Variants in CNOT10 observed in about 807,000 individuals in gnomAD.
CNOT10 encodes CCR4-NOT transcription complex, subunit 10.
CNOT10 carries 30 observed loss-of-function variants against 94.6 expected under a neutral mutation model. That is an observed-to-expected ratio of 0.32 (90% CI 0.24 to 0.43). The LOEUF is 0.43. Among genes scored for constraint, CNOT10 ranks in the 20% least tolerant of loss-of-function variants. The probability of loss-of-function intolerance (pLI) is 1.00; values close to 1 mark genes in which losing one functional copy is unlikely to be tolerated. For missense variants in CNOT10, 759 were observed against 877.2 expected, an observed-to-expected ratio of 0.87 and a Z score of 1.70; for synonymous variants, 289 against 301.6, an observed-to-expected ratio of 0.96 and a Z score of 0.43.
In CNOT10 at chr3:32,769,913, G is replaced by A. The variant is rs754625501; in HGVS notation, c.2031G>A (p.Glu677=). The A allele has an allele frequency of 3.7e-6, 6 of 1,613,888 alleles. No individual in the cohort carries two copies. In the Admixed American group the frequency reaches 5.0e-5, roughly 13 times the overall value. The change falls in exon 18 of 19, where the codon GAG becomes GAA. Residue 677 remains glutamate, a synonymous_variant. Transcript: ENST00000328834. ...CGGCTTCAATGATCCATCCTAAAGA[G>A]GTGCCCCCTGAGGCCATCTTGCTGG... ...HQAASMIHPK[E]VPPEAILLAV...
At position 32,721,309 on chromosome 3, in the gene CNOT10, AC is replaced by A. The variant is rs759366722; in HGVS notation, c.862+1080del. The stretch of plus-strand genomic sequence containing the variant: ...ACTCCTGACCTCAAGTGACCCGCCC[AC>A]CTCAGCATCTCAAAGTGCTGGGATT... On this transcript the variant is annotated intron_variant, in intron 8 of 18. Coordinates refer to ENST00000328834, the MANE Select transcript of CNOT10 (RefSeq NM_015442.3). 1.5e-4 allele frequency among the ~76,000 whole-genome samples: 23 copies of A among 149,576 alleles called. 1 individual carries two copies. The South Asian group carries it at 4.9e-3, about 32-fold the overall frequency.
chr3:32,727,427 T>C (rs996753203), intron 9 of CNOT10, among the ~76,000 whole-genome samples: 1 of 152,170 alleles, frequency 6.6e-6, no homozygotes, highest in African/African-American at 2.4e-5. Context: ...CGTTGTTGCC[T>C]GAGGAGCTGG....
At chr3:32,754,476 C>CAAAAAAAA (rs1553637886) in intron 13 of CNOT10, among the ~76,000 whole-genome samples, 4 of 36,270 alleles carry the variant, frequency 1.1e-4, no homozygotes, top group African/African-American at 5.6e-4. Context: ...GACTCCGTCT[C>CAAAAAAAA]AAAAAAAAAA....
chr3:32,720,083 A>G (rs1238349828), intron 7 of CNOT10, 31 bp from the exon 8 acceptor site: 3 of 1,214,452 alleles, frequency 2.5e-6, no homozygotes, highest in Non-Finnish European at 2.3e-6. Context: ...CTGAAAACAA[A>G]TTATAAGTAA....
chr3:32,755,771 T>A (rs1464722672), intron 13 of CNOT10, among the ~76,000 whole-genome samples: 1 of 140,314 alleles, frequency 7.1e-6, no homozygotes, highest in Admixed American at 7.1e-5. Context: ...TTTTTTTTTT[T>A]CTTCTTTTTT....
At chr3:32,758,897 C>T (rs1282419573) in intron 13 of CNOT10, among the ~76,000 whole-genome samples, 3 of 151,982 alleles carry the variant, frequency 2.0e-5, no homozygotes, top group Non-Finnish European at 4.4e-5. Flanking sequence ...AGAATAGTAA[C>T]TGTGTGAATA....
chr3:32,747,297 A>G (rs1699742637), intron 13 of CNOT10, among the ~76,000 whole-genome samples: 1 of 151,998 alleles, frequency 6.6e-6, no homozygotes, highest in Non-Finnish European at 1.5e-5. Context: ...GCATGCCTGT[A>G]ATCCCAGCTA....
At chr3:32,740,659 G>C (rs1348394556) in intron 13 of CNOT10, among the ~76,000 whole-genome samples, 2 of 151,610 alleles carry the variant, frequency 1.3e-5, no homozygotes, top group African/African-American at 4.8e-5. Flanking sequence ...TCAGGAGATC[G>C]AGACCATCCT....
At chr3:32,695,356 C>G (rs753231950) in intron 1 of CNOT10, among the ~76,000 whole-genome samples, 1 of 151,928 alleles carries the variant, frequency 6.6e-6, no homozygotes, top group African/African-American at 2.4e-5. Flanking sequence ...TTCACAAGGG[C>G]ATCATTGGTA....
chr3:32,760,716 A>G (rs1041063291), intron 14 of CNOT10, among the ~76,000 whole-genome samples: 5 of 152,202 alleles, frequency 3.3e-5, no homozygotes, highest in African/African-American at 9.7e-5. Context: ...ATTCTGCACA[A>G]CATTAGAACA....
At chr3:32,739,978 T>G (rs1699386139) in intron 13 of CNOT10, among the ~76,000 whole-genome samples, 1 of 152,162 alleles carries the variant, frequency 6.6e-6, no homozygotes, top group East Asian at 1.9e-4. Flanking sequence ...TGCCTGTGGT[T>G]CCAGGTAGCT....
intron 12 of CNOT10, among the ~76,000 whole-genome samples, chr3:32,735,535 C>T (rs1359439674): frequency 6.6e-6 from 1 of 151,870 alleles, no homozygotes; most frequent in Non-Finnish European, 1.5e-5. Flanking sequence ...GGTGAAACCC[C>T]GTCTCTACTA....
intron 13 of CNOT10, among the ~76,000 whole-genome samples, chr3:32,749,169 T>G (rs1699849411): frequency 6.7e-6 from 1 of 148,758 alleles, no homozygotes; most frequent in South Asian, 2.1e-4. Context: ...ATATGACTTG[T>G]AGTTATTTTC....
At chr3:32,721,305 G>A (rs537241538) in intron 8 of CNOT10, among the ~76,000 whole-genome samples, 2 of 151,000 alleles carry the variant, frequency 1.3e-5, no homozygotes, top group African/African-American at 4.9e-5. Context: ...CAAGTGACCC[G>A]CCCACCTCAG....
chr3:32,768,332 A>T (rs1343255960), intron 17 of CNOT10, among the ~76,000 whole-genome samples: 1 of 151,614 alleles, frequency 6.6e-6, no homozygotes, highest in Non-Finnish European at 1.5e-5. Context: ...CTGTAATCCC[A>T]GCACTTTGGG....
chr3:32,714,176 T>C (rs1001240286), intron 5 of CNOT10, among the ~76,000 whole-genome samples: 2 of 152,176 alleles, frequency 1.3e-5, no homozygotes, highest in Non-Finnish European at 2.9e-5. Context: ...CCAACACTTG[T>C]TATTGTCTAT....
intron 13 of CNOT10, among the ~76,000 whole-genome samples, chr3:32,743,169 T>A (rs190222932): frequency 2.0e-5 from 3 of 152,010 alleles, no homozygotes; most frequent in Admixed American, 2.0e-4. Context: ...ATATTTTTAG[T>A]AGAGGTGGGG....
intron 1 of CNOT10, among the ~76,000 whole-genome samples, chr3:32,703,078 A>AT (rs67920905): frequency 0.88 from 108,973 of 124,224 alleles, 48,416 homozygotes; most frequent in East Asian, 0.98. Flanking sequence ...CGCCAAGCTA[A>AT]TTTTTTTTTT....
At position 32,737,308 on chromosome 3, in the gene CNOT10, T is replaced by C. The variant is rs971267850; in HGVS notation, c.1515-102T>C. 9.8e-6 allele frequency: 7 copies of C among 713,556 alleles called. No individual in the cohort carries two copies. In the East Asian group the frequency reaches 1.1e-4, roughly 11 times the overall value. 44.2% of individuals were successfully genotyped at this position (713,556 alleles called of 1,614,324 possible). ...CCATCCTGAGCGACGAGCAAAACTC[T>C]GTCTCAAAAAAAAAGTTGGGAGTAA... On this transcript the variant is annotated intron_variant, in intron 12 of 18. Transcript: ENST00000328834.
Sources: gnomAD v4.1 joint callset for allele counts (sites outside exome capture counted in the v4.1 genomes callset) on GRCh38, gnomAD v4.1.1 for gene constraint, MANE v1.5 for transcripts, NCBI Gene and HGNC (gene_info 2026-07-23, HGNC 2026-07-21) for gene names.